Variants in SNX30 observed in about 807,000 individuals in gnomAD.
SNX30 encodes the protein sorting nexin family member 30.
In SNX30, 24 loss-of-function variants were observed where a neutral mutation model predicts 46.4. The observed-to-expected ratio is 0.52, with a 90% CI of 0.37 to 0.73. The LOEUF is 0.73. Ranked by LOEUF, SNX30 falls within the 30% of genes least tolerant of loss-of-function variation. The pLI, the probability that SNX30 is intolerant of heterozygous loss-of-function variation, is 0.00. For missense variants in SNX30, 533 were observed against 555.7 expected, an observed-to-expected ratio of 0.96 and a Z score of 0.41; for synonymous variants, 189 against 211.5, an observed-to-expected ratio of 0.89 and a Z score of 0.92.
In SNX30 at chr9:112,868,852, C is replaced by G; in HGVS notation, c.*9C>G. ...AACAAGAGGCCAAGTAAAGTTCTTT[C>G]TTGGGACGGAGACTCTTCTACCTAC... On this transcript the variant is annotated 3_prime_UTR_variant, in exon 9 of 9. Transcript: ENST00000374232. 6.2e-7 allele frequency: 1 copy of G among 1,613,690 alleles called. No individual in the cohort carries two copies. The highest frequency in any genetic ancestry group is 8.5e-7 in the Non-Finnish European group (1 of 1,179,748).
intron 7 of SNX30, among the ~76,000 whole-genome samples, chr9:112,863,431 A>G (rs1049591954): frequency 2.0e-4 from 30 of 152,246 alleles, no homozygotes; most frequent in African/African-American, 6.8e-4. Flanking sequence ...CTGCAGCCAC[A>G]AAGCCCAAAC....
At chr9:112,786,825 T>C (rs1175460558) in intron 1 of SNX30, among the ~76,000 whole-genome samples, 1 of 152,206 alleles carries the variant, frequency 6.6e-6, no homozygotes, top group Admixed American at 6.5e-5. Flanking sequence ...TTTAAAATTT[T>C]CTTTACCTCT....
intron 7 of SNX30, among the ~76,000 whole-genome samples, chr9:112,853,224 G>A (rs1262275114): frequency 6.6e-6 from 1 of 152,232 alleles, no homozygotes; most frequent in Non-Finnish European, 1.5e-5. Flanking sequence ...GATGAGGATT[G>A]GAACTGTAGT....
intron 3 of SNX30, among the ~76,000 whole-genome samples, chr9:112,825,629 C>A (rs769356345): frequency 2.0e-5 from 3 of 151,820 alleles, no homozygotes; most frequent in Admixed American, 2.0e-4. Context: ...TTGGCCTAAA[C>A]GTTATATAGA....
At chr9:112,882,163 G>C (rs533844306), downstream of SNX30, among the ~76,000 whole-genome samples, 3 of 152,306 alleles carry the variant, frequency 2.0e-5, no homozygotes, top group South Asian at 4.1e-4. Context: ...CTGAAGCACA[G>C]TGTCATGATC....
intron 6 of SNX30, among the ~76,000 whole-genome samples, chr9:112,847,898 A>C (rs191262811): frequency 6.6e-6 from 1 of 152,004 alleles, no homozygotes; most frequent in Non-Finnish European, 1.5e-5. Flanking sequence ...TTTTCCTCCT[A>C]ATGCCTAGAG....
chr9:112,759,548 C>A (rs542354971), intron 1 of SNX30, among the ~76,000 whole-genome samples: 5 of 151,940 alleles, frequency 3.3e-5, no homozygotes, highest in Non-Finnish European at 7.4e-5. Flanking sequence ...GCCAACATGG[C>A]GAAACCCTGT....
In SNX30 at chr9:112,751,067, C is replaced by T. The variant is rs1353412154; in HGVS notation, c.66C>T (p.His22=). ...CCCACTCCCTGCGCGACATGCCGCA[C>T]CCGCTGGCCGGCTCCAGCAGCGAGG... ...TGPHSLRDMP[H]PLAGSSSEEA... is the part of the protein sequence containing the mutation. Residue 22 remains histidine (H), a synonymous_variant, in exon 1 of 9, where the codon CAC becomes CAT. Coordinates refer to ENST00000374232, the MANE Select transcript of SNX30 (RefSeq NM_001012994.2). The T allele has an allele frequency of 4.7e-6, 7 of 1,499,224 alleles. No homozygotes were observed. The East Asian group carries it at 1.6e-4, about 35-fold the overall frequency. The allele number at this position is 1,499,224 out of a possible 1,614,324, so 92.9% of individuals were successfully genotyped here.
In SNX30 at chr9:112,838,459, A is replaced by G. The variant is rs757716890; in HGVS notation, c.815-39A>G. The G allele has an allele frequency of 4.8e-5, 75 of 1,562,106 alleles. No homozygotes were observed. The Middle Eastern group carries it at 3.4e-3, about 71-fold the overall frequency. On this transcript the variant is annotated intron_variant, in intron 5 of 8. Coordinates refer to ENST00000374232, the MANE Select transcript of SNX30 (RefSeq NM_001012994.2). ...TGAGTCAGTAATAGCAGCAACTGCT[A>G]CCCAGCCAGATTTTAATTAGTTTCT...
At chr9:112,840,791 T>C (rs1195798038) in intron 6 of SNX30, among the ~76,000 whole-genome samples, 2 of 136,324 alleles carry the variant, frequency 1.5e-5, no homozygotes, top group Admixed American at 1.5e-4. Flanking sequence ...TATTTCTTTT[T>C]TTTTTTGAGA....
chr9:112,781,736 A>T (rs1174506697), intron 1 of SNX30, among the ~76,000 whole-genome samples: 1 of 151,612 alleles, frequency 6.6e-6, no homozygotes, highest in Non-Finnish European at 1.5e-5. Context: ...GGTTCAGGGG[A>T]TTCCCATGCC....
Position 112,824,458 on chromosome 9 carries a change from A to C in SNX30, c.460-6267A>C, listed in dbSNP as rs1206521199. ...GAGTCCCGTTGAAACTCCATCACTC[A>C]GTTTCAACATTTATCAGCTCATGGC... is the stretch of plus-strand genomic sequence containing the variant. On this transcript the variant is annotated intron_variant, in intron 3 of 8. Coordinates refer to ENST00000374232, the MANE Select transcript of SNX30 (RefSeq NM_001012994.2). 6.6e-5 allele frequency among the ~76,000 whole-genome samples: 10 copies of C among 151,944 alleles called. No homozygotes were observed. The East Asian group carries it at 1.9e-3, about 29-fold the overall frequency.
At chr9:112,813,942 C>T (rs906329176) in intron 2 of SNX30, among the ~76,000 whole-genome samples, 1 of 152,166 alleles carries the variant, frequency 6.6e-6, no homozygotes, top group Non-Finnish European at 1.5e-5. Flanking sequence ...ATGCAAATAT[C>T]CTTGCCACAG....
chr9:112,790,184 TAA>T (rs1351854786), intron 1 of SNX30, among the ~76,000 whole-genome samples: 5 of 152,248 alleles, frequency 3.3e-5, no homozygotes, highest in Non-Finnish European at 7.3e-5. Flanking sequence ...TATCAATAGT[TAA>T]GATACATTTG....
intron 3 of SNX30, among the ~76,000 whole-genome samples, chr9:112,818,128 C>T (rs1369001608): frequency 6.6e-6 from 1 of 151,688 alleles, no homozygotes; most frequent in African/African-American, 2.4e-5. Context: ...AGCAACGTGA[C>T]ATTTATCTAC....
At chr9:112,879,970 C>A (rs929299709), downstream of SNX30, 1 of 598,120 alleles carries the variant, frequency 1.7e-6, no homozygotes, top group Non-Finnish European at 3.0e-6. Context: ...CACTGTGACC[C>A]ATCTCCCTGC....
At chr9:112,877,623 C>T (rs1410617681), downstream of SNX30, 2 of 152,254 alleles carry the variant, frequency 1.3e-5, no homozygotes, top group Non-Finnish European at 2.9e-5. Flanking sequence ...ATCCATTAAC[C>T]AACTCCTGTA....
At chr9:112,859,756 C>T (rs894809993) in intron 7 of SNX30, among the ~76,000 whole-genome samples, 3 of 151,400 alleles carry the variant, frequency 2.0e-5, no homozygotes, top group Non-Finnish European at 2.9e-5. Context: ...ATCCACTTGC[C>T]TTGGCCTCCT....
At chr9:112,797,992 G>C (rs551994725) in intron 1 of SNX30, among the ~76,000 whole-genome samples, 2 of 150,664 alleles carry the variant, frequency 1.3e-5, no homozygotes, top group South Asian at 4.2e-4. Context: ...AATTACAGGC[G>C]TGAGGCACTG....
Sources: gnomAD v4.1 joint callset for allele counts (sites outside exome capture counted in the v4.1 genomes callset) on GRCh38, gnomAD v4.1.1 for gene constraint, MANE v1.5 for transcripts, NCBI Gene and HGNC (gene_info 2026-07-23, HGNC 2026-07-21) for gene names.